The following SMIM18 variants were observed in gnomAD, a reference collection of about 807,000 sequenced individuals.
The protein encoded by SMIM18 is small integral membrane protein 18.
In SMIM18, 4 loss-of-function variants were observed where a neutral mutation model predicts 5.9. That is an observed-to-expected ratio of 0.68 (90% confidence interval 0.33 to 1.56). The LOEUF (loss-of-function observed/expected upper bound fraction) is 1.56. Among genes scored for constraint, SMIM18 ranks in the 40% most tolerant of loss-of-function variants. The pLI, the probability that SMIM18 is intolerant of heterozygous loss-of-function variation, is 0.06. For synonymous variants in SMIM18, 37 were observed against 37.4 expected, an observed-to-expected ratio of 0.99 and a Z score of 0.04; for missense variants, 89 against 109.7, an observed-to-expected ratio of 0.81 and a Z score of 0.84.
chr8:30,642,462 A>G (rs1004184972), intron 1 of SMIM18, among the ~76,000 whole-genome samples: 7 of 152,194 alleles, frequency 4.6e-5, no homozygotes, highest in Admixed American at 6.5e-5. Context: ...TTTTTAAAAT[A>G]GATGATTTAC....
chr8:30,645,371 T>C lies in SMIM18; in HGVS notation c.62T>C (p.Val21Ala). The C allele has an allele frequency of 6.5e-7, 1 of 1,535,684 alleles. No individual in the cohort carries two copies. The highest frequency in any genetic ancestry group is 8.7e-7 in the Non-Finnish European group (1 of 1,146,894). The change falls in exon 3 of 3, where the codon GTT (valine) becomes GCT (alanine). Residue 21 changes from valine to alanine, a missense_variant. Coordinates refer to ENST00000517349, the MANE Select transcript of SMIM18 (RefSeq NM_001206847.2). Reference sequence around the variant, plus strand: ...GTTTATCAGTACCTTGGTTTTCAAGTTCAAAAAATTTACCCTTTCCATGAC... The same window carrying C: ...GTTTATCAGTACCTTGGTTTTCAAGCTCAAAAAATTTACCCTTTCCATGAC... The part of the protein sequence containing the change: ...TSVYQYLGFQ[V>A]QKIYPFHDNW...
intron 1 of SMIM18, among the ~76,000 whole-genome samples, chr8:30,641,070 A>G (rs1228909377): frequency 6.6e-6 from 1 of 152,214 alleles, no homozygotes; most frequent in African/African-American, 2.4e-5. Context: ...AAACATCAAA[A>G]GTTACTAGAG....
intron 1 of SMIM18, among the ~76,000 whole-genome samples, chr8:30,640,297 A>C (rs1362924820): frequency 1.3e-5 from 2 of 152,230 alleles, no homozygotes; most frequent in Non-Finnish European, 2.9e-5. Flanking sequence ...CAGCAAAAGC[A>C]TAACTTTATT....
chr8:30,645,991 T>C lies in SMIM18; in HGVS notation c.*394T>C, dbSNP rs1446243064. 6.3e-6 allele frequency: 1 copy of C among 158,998 alleles called. No homozygotes were observed. The highest frequency in any genetic ancestry group is 6.3e-5 in the Admixed American group (1 of 15,856). 9.8% of individuals were successfully genotyped at this position (158,998 alleles called of 1,614,324 possible). On this transcript the variant is annotated 3_prime_UTR_variant, in exon 3 of 3. Coordinates refer to ENST00000517349, the MANE Select transcript of SMIM18 (RefSeq NM_001206847.2). ...GGTAACAAAAAGGCTATTTAAAACA[T>C]GTTTCTAAGTCTGAAGTAAAATACT...
At chr8:30,642,043 A>C (rs1801855824) in intron 1 of SMIM18, among the ~76,000 whole-genome samples, 1 of 152,218 alleles carries the variant, frequency 6.6e-6, no homozygotes, top group Non-Finnish European at 1.5e-5. Context: ...TCCTAATCCC[A>C]ATTTGAATTT....
intron 1 of SMIM18, among the ~76,000 whole-genome samples, chr8:30,639,948 C>G (rs1801755250): frequency 6.6e-6 from 1 of 151,588 alleles, no homozygotes; most frequent in Non-Finnish European, 1.5e-5. Flanking sequence ...ACAGAAGCAC[C>G]AAACAAAAGT....
chr8:30,645,147 A>G (rs1802019775), intron 2 of SMIM18, 134 bp from the exon 3 acceptor site: 1 of 799,854 alleles, frequency 1.3e-6, no homozygotes, highest in Admixed American at 3.0e-5. Flanking sequence ...AAAAAAATTC[A>G]AAACTACCAT....
At chr8:30,640,552 T>G (rs1043520020) in intron 1 of SMIM18, among the ~76,000 whole-genome samples, 2 of 152,200 alleles carry the variant, frequency 1.3e-5, no homozygotes, top group Non-Finnish European at 2.9e-5. Context: ...AAGGCATGGG[T>G]AGGGAAGTCC....
intron 1 of SMIM18, among the ~76,000 whole-genome samples, chr8:30,639,702 C>A (rs1338309995): frequency 6.6e-6 from 1 of 151,888 alleles, no homozygotes; most frequent in Non-Finnish European, 1.5e-5. Context: ...CTATATCGGA[C>A]CTAAAGAGCC....
At position 30,645,265 on chromosome 8, in the gene SMIM18, T is replaced by C; in HGVS notation, c.-29-16T>C. On this transcript the variant is annotated splice_polypyrimidine_tract_variant and intron_variant, in intron 2 of 2. Transcript: ENST00000517349. ...TGTAGTTTGCTACATAAATTCATTT[T>C]CTACCTTTTTTATAGATTCAAAAGA... 2 of 1,494,878 alleles carry C rather than the reference T, an allele frequency of 1.3e-6. No individual in the cohort carries two copies. The highest frequency in any genetic ancestry group is 2.4e-5 in the Admixed American group (1 of 42,420). 92.6% of individuals were successfully genotyped at this position (1,494,878 alleles called of 1,614,324 possible). A position where few individuals can be genotyped will look rare whatever the true frequency, so the allele number is the denominator to read the frequency against.
chr8:30,639,522 TAAGA>T (rs34723811), intron 1 of SMIM18, among the ~76,000 whole-genome samples: 6,375 of 152,266 alleles, frequency 0.042, 199 homozygotes, highest in African/African-American at 0.086. Context: ...AAGAACTGGT[TAAGA>T]AAGGAGAGTA....
At position 30,645,601 on chromosome 8, in the gene SMIM18, T is replaced by C. The variant is rs1380502685; in HGVS notation, c.*4T>C. ...ACGTGAAACTGAAGTGGTCTAACAC[T>C]CTATAGAAGATGAACAAAATCTCTG... On this transcript the variant is annotated 3_prime_UTR_variant, in exon 3 of 3. Coordinates refer to ENST00000517349, the MANE Select transcript of SMIM18 (RefSeq NM_001206847.2). The C allele has an allele frequency of 6.5e-7, 1 of 1,527,784 alleles. No homozygotes were observed. Among genetic ancestry groups the C allele is most frequent in the East Asian group, 2.5e-5 (1 of 40,814 alleles). 94.6% of individuals were successfully genotyped at this position (1,527,784 alleles called of 1,614,324 possible).
At chr8:30,640,632 C>T (rs1364743974) in intron 1 of SMIM18, among the ~76,000 whole-genome samples, 1 of 152,106 alleles carries the variant, frequency 6.6e-6, no homozygotes, top group Non-Finnish European at 1.5e-5. Flanking sequence ...ATGTTTACAG[C>T]ATTTGCTTAA....
rs368200892 is a variant in SMIM18, at chr8:30,644,620, T to C, written c.-30+48T>C. 3.2e-4 allele frequency: 49 copies of C among 152,260 alleles called. 1 individual carries two copies. The highest frequency in any genetic ancestry group is 1.2e-3 in the African/African-American group (49 of 41,536). The allele number at this position is 152,260 out of a possible 1,614,324, so 9.4% of individuals were successfully genotyped here. A position where few individuals can be genotyped will look rare whatever the true frequency, so the allele number is the denominator to read the frequency against. On this transcript the variant is annotated intron_variant, in intron 2 of 2. Coordinates refer to ENST00000517349, the MANE Select transcript of SMIM18 (RefSeq NM_001206847.2). ...ATGATAAAAGCTTTTCCAGGGGCAGTTTGAAGAACATAACCTTAAAACGCC... is the reference window on the plus strand; with the variant it reads ...ATGATAAAAGCTTTTCCAGGGGCAGCTTGAAGAACATAACCTTAAAACGCC...
At chr8:30,643,434 G>C (rs1234941480) in intron 1 of SMIM18, 1 of 152,166 alleles carries the variant, frequency 6.6e-6, no homozygotes, top group Non-Finnish European at 1.5e-5. Context: ...CAAGGAAGGT[G>C]GATCACAAGG....
intron 1 of SMIM18, chr8:30,643,764 A>C (rs539547943): frequency 6.6e-5 from 10 of 152,150 alleles, no homozygotes; most frequent in Admixed American, 5.9e-4. Context: ...AATAATTCTA[A>C]GTCTTAACCC....
chr8:30,644,216 A>G (rs1474199901), intron 1 of SMIM18, among the ~76,000 whole-genome samples: 3 of 152,232 alleles, frequency 2.0e-5, no homozygotes, highest in African/African-American at 7.2e-5. Context: ...TACCAGGTCA[A>G]CAAGAGCTAA....
Position 30,640,238 on chromosome 8 carries a change from A to T in SMIM18, c.-111+1599A>T, listed in dbSNP as rs115730097. Among the ~76,000 whole-genome samples the T allele has an allele frequency of 2.2e-3, 337 of 152,350 alleles. 2 individuals carry two copies. Among genetic ancestry groups the T allele is most frequent in the African/African-American group, 8.0e-3 (332 of 41,586 alleles). On this transcript the variant is annotated intron_variant, in intron 1 of 2. Coordinates refer to ENST00000517349, the MANE Select transcript of SMIM18 (RefSeq NM_001206847.2). ...TTAACTGATCACATTTCAAAGTGAT[A>T]TGCTTAAAAGCACCTGAGAATTCAA...
chr8:30,642,610 A>C (rs1193990419), intron 1 of SMIM18, among the ~76,000 whole-genome samples: 1 of 151,996 alleles, frequency 6.6e-6, no homozygotes, highest in Admixed American at 6.6e-5. Context: ...ATTGTGATTA[A>C]TTTCTTGTAG....
Sources: allele counts gnomAD v4.1 joint callset (sites outside exome capture counted in the v4.1 genomes callset), GRCh38; gene constraint gnomAD v4.1.1; transcripts MANE v1.5; gene names NCBI Gene and HGNC (gene_info 2026-07-23, HGNC 2026-07-21).